The following NWD2 variants were observed in gnomAD, a reference collection of about 807,000 sequenced individuals.
NWD2 encodes the protein NACHT and WD repeat domain-containing protein 2.
Under a neutral mutation model 132.7 loss-of-function variants are expected in NWD2, and 37 were observed. The observed-to-expected ratio is 0.28, with a 90% CI of 0.21 to 0.37. The LOEUF is 0.37. Ranked by LOEUF, NWD2 falls within the 10% of genes least tolerant of loss-of-function variation. The probability of loss-of-function intolerance (pLI) is 1.00; values close to 1 mark genes in which losing one functional copy is unlikely to be tolerated. For synonymous variants in NWD2, 705 were observed against 803.0 expected (o/e 0.88, Z 2.06); for missense variants, 1,592 against 2,122.4 (o/e 0.75, Z 4.91).
intron 1 of NWD2, among the ~76,000 whole-genome samples, chr4:37,262,472 C>T (rs112216142): frequency 3.9e-5 from 6 of 152,160 alleles, no homozygotes; most frequent in African/African-American, 1.2e-4. Context: ...TTTGCATTTC[C>T]GTGATGATTG....
intron 2 of NWD2, among the ~76,000 whole-genome samples, chr4:37,335,566 C>T (rs1719390272): frequency 6.6e-6 from 1 of 152,028 alleles, no homozygotes; most frequent in African/African-American, 2.4e-5. Flanking sequence ...CCGTGGCCTG[C>T]TAGAAGCTGG....
chr4:37,289,676 G>A (rs1221822086), intron 1 of NWD2, among the ~76,000 whole-genome samples: 4 of 152,160 alleles, frequency 2.6e-5, no homozygotes, highest in Non-Finnish European at 5.9e-5. Context: ...ACAGTGAAAT[G>A]TACAAATCCT....
chr4:37,346,135 T>C (rs1400792320), intron 2 of NWD2, among the ~76,000 whole-genome samples: 1 of 151,484 alleles, frequency 6.6e-6, no homozygotes, highest in Non-Finnish European at 1.5e-5. Flanking sequence ...AGGAGTTTAA[T>C]AGTTTTGACT....
At chr4:37,294,853 C>T (rs1577658621) in intron 1 of NWD2, among the ~76,000 whole-genome samples, 1 of 152,108 alleles carries the variant, frequency 6.6e-6, no homozygotes, top group Non-Finnish European at 1.5e-5. Context: ...ATAAAGATCA[C>T]ATCTGAAAGA....
At chr4:37,253,010 C>CG (rs994278644) in intron 1 of NWD2, among the ~76,000 whole-genome samples, 2 of 150,462 alleles carry the variant, frequency 1.3e-5, no homozygotes, top group African/African-American at 2.4e-5. Context: ...AACCCCCCCC[C>CG]CTTATGTTTT....
intron 2 of NWD2, among the ~76,000 whole-genome samples, chr4:37,351,213 T>A (rs1719753813): frequency 6.6e-6 from 1 of 152,152 alleles, no homozygotes; most frequent in African/African-American, 2.4e-5. Flanking sequence ...TTAGGGAGGA[T>A]TCCCTCTTTT....
chr4:37,396,478 G>A (rs951173553), intron 3 of NWD2, among the ~76,000 whole-genome samples: 2 of 152,132 alleles, frequency 1.3e-5, no homozygotes, highest in Non-Finnish European at 1.5e-5. Flanking sequence ...TCCATAGTTG[G>A]TTGCCGTCAC....
intron 2 of NWD2, among the ~76,000 whole-genome samples, chr4:37,355,275 A>G (rs560680559): frequency 2.0e-5 from 3 of 152,180 alleles, no homozygotes; most frequent in African/African-American, 7.2e-5. Context: ...CAAAATGCTG[A>G]TATTTTCATA....
At chr4:37,373,701 C>T (rs552979378) in intron 3 of NWD2, among the ~76,000 whole-genome samples, 193 of 152,210 alleles carry the variant, frequency 1.3e-3, no homozygotes, top group African/African-American at 4.4e-3. Context: ...GAAAGGACAT[C>T]AATTTGTTCT....
At chr4:37,396,148 A>G (rs1476208872) in intron 3 of NWD2, among the ~76,000 whole-genome samples, 1 of 152,140 alleles carries the variant, frequency 6.6e-6, no homozygotes, top group Non-Finnish European at 1.5e-5. Flanking sequence ...ACTGGTGCAC[A>G]AATACTGGGA....
chr4:37,414,462 G>GAA (rs550414685), intron 3 of NWD2, among the ~76,000 whole-genome samples: 36 of 130,814 alleles, frequency 2.8e-4, no homozygotes, highest in African/African-American at 8.9e-4. Context: ...AGCCAGCCCT[G>GAA]AAAAAAAAAA....
chr4:37,277,542 G>A (rs1332987933), intron 1 of NWD2, among the ~76,000 whole-genome samples: 3 of 150,852 alleles, frequency 2.0e-5, no homozygotes, highest in African/African-American at 7.3e-5. Flanking sequence ...TGATTTCTGG[G>A]GAATTTTTAT....
At position 37,350,865 on chromosome 4, in the gene NWD2, C is replaced by G. The variant is rs181556407; in HGVS notation, c.241-5501C>G. Among the ~76,000 whole-genome samples the G allele has an allele frequency of 3.9e-5, 6 of 152,192 alleles. No individual in the cohort carries two copies. The East Asian group carries it at 1.2e-3, about 29-fold the overall frequency. ...TATTTTGAGATACATTCCATCAATA[C>G]CTAGTTTATTGAGTGTTTTTAGCAT... On this transcript the variant is annotated intron_variant, in intron 2 of 6. Transcript: ENST00000309447.
At chr4:37,372,617 C>T (rs1416312579) in intron 3 of NWD2, among the ~76,000 whole-genome samples, 3 of 152,196 alleles carry the variant, frequency 2.0e-5, no homozygotes, top group African/African-American at 7.2e-5. Context: ...AGTAACTCAA[C>T]GTTTTAATAT....
Position 37,245,067 on chromosome 4 carries a change from G to T in NWD2, c.-1G>T, listed in dbSNP as rs989448633. ...GCAGTGGCTGTTCCTCCCAGAGGGC[G>T]ATGTGGCCGGCCGGCGCGGGCACCA... On this transcript the variant is annotated 5_prime_UTR_variant, in exon 1 of 7. Coordinates refer to ENST00000309447, the MANE Select transcript of NWD2 (RefSeq NM_001144990.2). The T allele has an allele frequency of 1.3e-6, 2 of 1,544,974 alleles. No homozygotes were observed. Among genetic ancestry groups the T allele is most frequent in the Non-Finnish European group, 8.7e-7 (1 of 1,146,418 alleles).
At chr4:37,311,065 G>A (rs1310818499) in intron 1 of NWD2, among the ~76,000 whole-genome samples, 1 of 151,940 alleles carries the variant, frequency 6.6e-6, no homozygotes, top group East Asian at 1.9e-4. Flanking sequence ...CCAAGTCTTT[G>A]CTATTGTGAA....
chr4:37,332,456 GA>G (rs34529414), intron 2 of NWD2, among the ~76,000 whole-genome samples: 22,504 of 130,374 alleles, frequency 0.17, 2,011 homozygotes, highest in East Asian at 0.37. Context: ...CTGCTGCCTT[GA>G]AAAAAAAAAA....
intron 3 of NWD2, among the ~76,000 whole-genome samples, chr4:37,397,044 A>C (rs1326931377): frequency 7.0e-6 from 1 of 142,604 alleles, no homozygotes; most frequent in East Asian, 2.1e-4. Context: ...AAAAAAAAAA[A>C]GCGAAGCAAC....
At chr4:37,306,097 C>A (rs1023719447) in intron 1 of NWD2, among the ~76,000 whole-genome samples, 2 of 151,992 alleles carry the variant, frequency 1.3e-5, no homozygotes, top group African/African-American at 4.8e-5. Context: ...GAAATTTATT[C>A]ATTTTTTGTA....
Sources: allele counts gnomAD v4.1 joint callset (sites outside exome capture counted in the v4.1 genomes callset), GRCh38; gene constraint gnomAD v4.1.1; transcripts MANE v1.5; gene names NCBI Gene and HGNC (gene_info 2026-07-23, HGNC 2026-07-21).